WNK2: variants seen among roughly 807,000 people sequenced by gnomAD.
The protein encoded by WNK2 is WNK lysine deficient protein kinase 2.
A neutral mutation model predicts 192.1 loss-of-function variants in WNK2; 67 were observed. That is an observed-to-expected ratio of 0.35 (90% CI 0.29 to 0.43). The LOEUF (loss-of-function observed/expected upper bound fraction) is 0.43, where lower values mean the gene tolerates loss of function less well. WNK2 is among the 20% of genes least tolerant of loss of function. WNK2 has a pLI of 1.00. For missense variants in WNK2, 2,698 were observed against 3,089.7 expected (o/e 0.87, Z 3.01); for synonymous variants, 1,439 against 1,393.9 (o/e 1.03, Z -0.72).
At chr9:93,262,302 T>C (rs1425918676) in intron 13 of WNK2, among the ~76,000 whole-genome samples, 195 bp downstream of exon 13, 1 of 152,232 alleles carries the variant, frequency 6.6e-6, no homozygotes, top group Non-Finnish European at 1.5e-5. Flanking sequence ...GTGATTTTTA[T>C]AGATACAGGT....
At chr9:93,209,256 A>G (rs748223357) in intron 2 of WNK2, among the ~76,000 whole-genome samples, 1 of 152,092 alleles carries the variant, frequency 6.6e-6, no homozygotes, top group East Asian at 1.9e-4. Context: ...GCTGTACGCC[A>G]CAGGACAGGC....
Position 93,185,244 on chromosome 9 carries a change from G to GGGAGCCCCC in WNK2, c.326_334dup (p.Gly109_Pro111dup). On this transcript the variant is annotated inframe_insertion, in exon 2 of 30. Coordinates refer to ENST00000427277, the MANE Select transcript of WNK2 (RefSeq NM_006648.4). ...CGCCCGCAGCGCTGGTAGCGCAGCC[G>GGGAGCCCCC]GGAGCCCCCGGAGCCCCCGCGGACG... The GGGAGCCCCC allele has an allele frequency of 2.4e-6, 3 of 1,228,420 alleles. No homozygotes were observed. Among genetic ancestry groups the GGGAGCCCCC allele is most frequent in the Non-Finnish European group, 2.0e-6 (2 of 987,722 alleles). 76.1% of individuals were successfully genotyped at this position (1,228,420 alleles called of 1,614,324 possible).
intron 19 of WNK2, among the ~76,000 whole-genome samples, chr9:93,288,078 TAAGGAAAACTGGGCTCC>T (rs1848712111): frequency 6.6e-6 from 1 of 152,048 alleles, no homozygotes; most frequent in Admixed American, 6.5e-5. Flanking sequence ...CATTTTCAAG[TAAGGAAAACTGGGCTCC>T]AAGGCCAAGT....
chr9:93,289,841 G>A, intron 20 of WNK2, 137 bp from the exon 21 acceptor site: 1 of 936,888 alleles, frequency 1.1e-6, no homozygotes, highest in Non-Finnish European at 1.6e-6. Flanking sequence ...AGGTGACTCA[G>A]CCCCATCCAT....
chr9:93,211,467 C>T (rs1452565435), intron 2 of WNK2, among the ~76,000 whole-genome samples: 1 of 150,880 alleles, frequency 6.6e-6, no homozygotes, highest in Non-Finnish European at 1.5e-5. Context: ...CACTCATTCA[C>T]TCCCATCCAC....
Position 93,235,913 on chromosome 9 carries a change from C to A in WNK2, c.1233+948C>A, listed in dbSNP as rs927598795. On this transcript the variant is annotated intron_variant, in intron 5 of 29. Transcript: ENST00000427277. ...CATCCCGAGCCCTCCTTGCAGATTA[C>A]CTGCATTTCTGTCCCTTGGTTGTTG... 2.0e-5 allele frequency among the ~76,000 whole-genome samples: 3 copies of A among 152,220 alleles called. 1 individual carries two copies. The highest frequency in any genetic ancestry group is 7.2e-5 in the African/African-American group (3 of 41,458).
Position 93,297,968 on chromosome 9 carries a change from C to T in WNK2, c.5824C>T (p.Pro1942Ser), listed in dbSNP as rs778890242. Residue 1942 changes from proline (P) to serine (S), a missense_variant, in exon 24 of 30, where the codon CCC becomes TCC. Around this residue, in one of 7 missense-constraint regions of WNK2, gnomAD observed 1,098 missense variants for 1,101.0 expected, o/e 1.00. Transcript: ENST00000427277. ...PNVGFFHTAP[P>S]TGRRRKTSKS... ...CGTGGGCTTCTTCCACACGGCACCCCCCACTGGCCGCCGGAGAAAAACCAG... is the reference window on the plus strand; with the variant it reads ...CGTGGGCTTCTTCCACACGGCACCCTCCACTGGCCGCCGGAGAAAAACCAG... The T allele has an allele frequency of 1.0e-5, 16 of 1,573,208 alleles. No homozygotes were observed. The highest frequency in any genetic ancestry group is 1.2e-5 in the Non-Finnish European group (14 of 1,160,640).
Position 93,318,527 on chromosome 9 carries a change from A to G in WNK2, c.6628+896A>G, listed in dbSNP as rs746709350. 13 of 1,614,008 alleles carry G rather than the reference A, an allele frequency of 8.1e-6. No homozygotes were observed. In the Admixed American group the frequency reaches 1.7e-4, roughly 21 times the overall value. ...GCCAGAAAACGTTAGGTGAGCAGAC[A>G]TGCCCCCCATGCCAGTGGGCTGCTG... On this transcript the variant is annotated intron_variant, in intron 29 of 29. Transcript: ENST00000427277.
intron 5 of WNK2, 29 bp from the exon 6 acceptor site, chr9:93,238,204 G>T: frequency 6.2e-7 from 1 of 1,611,164 alleles, no homozygotes; most frequent in Non-Finnish European, 8.5e-7. Context: ...AGCCGATCGG[G>T]TCAGGTAACT....
chr9:93,292,702 G>T lies in WNK2; in HGVS notation c.5237G>T (p.Gly1746Val). The T allele has an allele frequency of 6.4e-7, 1 of 1,567,430 alleles. No homozygotes were observed. The highest frequency in any genetic ancestry group is 8.6e-7 in the Non-Finnish European group (1 of 1,157,246). Residue 1746 changes from glycine to valine, a missense_variant, in exon 23 of 30, where the codon GGC becomes GTC. This residue lies in a region of WNK2 where 1,098 missense variants were observed against 1,101.0 expected (regional missense o/e 1.00). Coordinates refer to ENST00000427277, the MANE Select transcript of WNK2 (RefSeq NM_006648.4). ...QDVSSPAKTV[G>V]RFSVVSTQDE... is the part of the protein sequence containing the mutation. ...GTCAGCTCACCAGCCAAGACTGTGG[G>T]CCGTTTCTCGGTGGTCAGCACTCAG...
chr9:93,272,581 A>C (rs1212319562), intron 19 of WNK2, among the ~76,000 whole-genome samples: 1 of 152,098 alleles, frequency 6.6e-6, no homozygotes, highest in Admixed American at 6.5e-5. Context: ...TCTACTAAAA[A>C]TACAAAATTA....
chr9:93,192,528 T>C (rs1418315226), intron 2 of WNK2, among the ~76,000 whole-genome samples: 1 of 150,954 alleles, frequency 6.6e-6, no homozygotes, highest in Non-Finnish European at 1.5e-5. Context: ...TGATCCTGAG[T>C]TGGGAGCCTG....
chr9:93,290,131 C>T (rs1003186455), intron 21 of WNK2, 84 bp downstream of exon 21: 227 of 1,251,936 alleles, frequency 1.8e-4, no homozygotes, highest in Non-Finnish European at 1.5e-4. Flanking sequence ...GCACCCTCGT[C>T]TTTCATCTGT....
intron 2 of WNK2, among the ~76,000 whole-genome samples, chr9:93,190,651 C>G (rs140809102): frequency 6.6e-6 from 1 of 152,264 alleles, no homozygotes; most frequent in Non-Finnish European, 1.5e-5. Flanking sequence ...GCACTGGAAC[C>G]TTCCGTGGTG....
At chr9:93,209,905 G>C (rs962002694) in intron 2 of WNK2, among the ~76,000 whole-genome samples, 2 of 152,156 alleles carry the variant, frequency 1.3e-5, no homozygotes, top group Non-Finnish European at 2.9e-5. Context: ...GGATTGGTGG[G>C]ACACCCCCAG....
chr9:93,199,475 A>G (rs888248476), intron 2 of WNK2, among the ~76,000 whole-genome samples: 3 of 152,122 alleles, frequency 2.0e-5, no homozygotes, highest in Admixed American at 6.5e-5. Context: ...AAGTTAGGCA[A>G]CCATCTTCCT....
chr9:93,252,241 G>C (rs1302740506), intron 8 of WNK2, among the ~76,000 whole-genome samples: 2 of 152,210 alleles, frequency 1.3e-5, no homozygotes, highest in Admixed American at 1.3e-4. Context: ...GAGCAGGCAG[G>C]TCTGTTTGGG....
rs918210144 is a variant in WNK2, at chr9:93,247,510, C to T, written c.1543-33C>T. On this transcript the variant is annotated intron_variant, in intron 7 of 29. Coordinates refer to ENST00000427277, the MANE Select transcript of WNK2 (RefSeq NM_006648.4). The surrounding 1 kb of genome is among the most constrained non-coding windows in gnomAD (Gnocchi z 5.2). The stretch of plus-strand genomic sequence containing the variant: ...GGTGTGGGCCGGTGAGGGCTGATCC[C>T]CAGCGATGCTGACAACATGACTGCC... The T allele has an allele frequency of 4.4e-6, 7 of 1,596,874 alleles. No homozygotes were observed. Among genetic ancestry groups the T allele is most frequent in the Admixed American group, 3.5e-5 (2 of 57,970 alleles).
intron 9 of WNK2, among the ~76,000 whole-genome samples, chr9:93,254,407 G>A (rs1173018541): frequency 2.0e-5 from 3 of 152,186 alleles, no homozygotes; most frequent in African/African-American, 4.8e-5. Flanking sequence ...TCTTCTTGAT[G>A]TCGGCTGAGC....
Sources: allele counts gnomAD v4.1 joint callset (sites outside exome capture counted in the v4.1 genomes callset), GRCh38; gene constraint gnomAD v4.1.1; regional missense constraint gnomAD v4.1.1; non-coding constraint Gnocchi (gnomAD v3.1); transcripts MANE v1.5; gene names NCBI Gene and HGNC (gene_info 2026-07-23, HGNC 2026-07-21).